NRXN3: variants seen among roughly 807,000 people sequenced by gnomAD.
The protein encoded by NRXN3 is neurexin III.
In NRXN3, 32 loss-of-function variants were observed where a neutral mutation model predicts 137.6. That is an observed-to-expected ratio of 0.23 (90% CI 0.18 to 0.31). The LOEUF (loss-of-function observed/expected upper bound fraction) is 0.31, where lower values mean the gene tolerates loss of function less well. Ranked by LOEUF, NRXN3 falls within the 10% of genes least tolerant of loss-of-function variation. NRXN3 has a pLI of 1.00. For missense variants in NRXN3, 1,574 were observed against 2,062.5 expected (o/e 0.76, Z 4.59); for synonymous variants, 798 against 784.5 (o/e 1.02, Z -0.29).
intron 2 of NRXN3, among the ~76,000 whole-genome samples, chr14:78,275,526 A>G (rs1279451108): frequency 6.6e-6 from 1 of 152,126 alleles, no homozygotes; most frequent in Non-Finnish European, 1.5e-5. Context: ...TATGCTCCCC[A>G]TATTTTTAGG....
At chr14:79,663,649 T>C in intron 16 of NRXN3, 129 bp from the exon 17 acceptor site, 1 of 725,474 alleles carries the variant, frequency 1.4e-6, no homozygotes, top group Non-Finnish European at 2.3e-6. Flanking sequence ...AATGCTATTA[T>C]TATCTTATCT....
At chr14:79,006,896 C>T (rs1310452467) in intron 15 of NRXN3, among the ~76,000 whole-genome samples, 1 of 152,146 alleles carries the variant, frequency 6.6e-6, no homozygotes, top group Non-Finnish European at 1.5e-5. Context: ...TGCCCCATCT[C>T]CAGACTTCTA....
chr14:79,059,731 A>G (rs2099671823), intron 15 of NRXN3, among the ~76,000 whole-genome samples: 1 of 152,102 alleles, frequency 6.6e-6, no homozygotes, highest in African/African-American at 2.4e-5. Flanking sequence ...CTTTTGTTTC[A>G]TTTTTGTAAA....
chr14:79,597,234 C>A lies in NRXN3; in HGVS notation c.3445-66544C>A, dbSNP rs144164486. Among the ~76,000 whole-genome samples the A allele has an allele frequency of 6.9e-3, 1,055 of 152,208 alleles. 9 individuals are homozygous for A. The highest frequency in any genetic ancestry group is 0.023 in the African/African-American group (968 of 41,532). ...TATTTGGGTACATTTTTTTTCCTAGCAGAAAAATTATTTTTCAGCCTTCTC... is the reference window on the plus strand; with the variant it reads ...TATTTGGGTACATTTTTTTTCCTAGAAGAAAAATTATTTTTCAGCCTTCTC... On this transcript the variant is annotated intron_variant, in intron 16 of 20. Transcript: ENST00000335750.
chr14:78,698,673 A>T (rs1249739011), intron 6 of NRXN3, among the ~76,000 whole-genome samples: 3 of 152,002 alleles, frequency 2.0e-5, no homozygotes, highest in Non-Finnish European at 4.4e-5. Context: ...GGAGTTTGTG[A>T]TTGAGCTTTT....
At chr14:79,676,615 A>T (rs551800946) in intron 17 of NRXN3, among the ~76,000 whole-genome samples, 1 of 152,162 alleles carries the variant, frequency 6.6e-6, no homozygotes, top group South Asian at 2.1e-4. Context: ...AAAGGGAGAG[A>T]AACAATCACT....
rs550823820 is a variant in NRXN3, at chr14:78,387,031, T to A, written c.757+89171T>A. Among the ~76,000 whole-genome samples the A allele has an allele frequency of 2.0e-5, 3 of 152,228 alleles. No individual in the cohort carries two copies. In the East Asian group the frequency reaches 5.8e-4, roughly 29 times the overall value. On this transcript the variant is annotated intron_variant, in intron 4 of 20. Coordinates refer to ENST00000335750, the MANE Select transcript of NRXN3 (RefSeq NM_001330195.2). ...TCCTGACTCAAATGATCCACCCTCCTCGGCCTCCCAAAATGCTGGGATTAC... is the reference window on the plus strand; with the variant it reads ...TCCTGACTCAAATGATCCACCCTCCACGGCCTCCCAAAATGCTGGGATTAC...
chr14:78,847,751 CAT>C (rs1243756761), intron 10 of NRXN3, among the ~76,000 whole-genome samples: 1 of 152,072 alleles, frequency 6.6e-6, no homozygotes, highest in Non-Finnish European at 1.5e-5. Context: ...CAAAAATAAT[CAT>C]ATTCTATAAA....
At chr14:79,558,174 C>T (rs988766838) in intron 16 of NRXN3, among the ~76,000 whole-genome samples, 1 of 152,088 alleles carries the variant, frequency 6.6e-6, no homozygotes, top group Admixed American at 6.6e-5. Context: ...AAGCCTTGAA[C>T]CCCTGAAACT....
At chr14:79,731,399 A>G (rs1490119900) in intron 19 of NRXN3, among the ~76,000 whole-genome samples, 1 of 152,212 alleles carries the variant, frequency 6.6e-6, no homozygotes, top group East Asian at 1.9e-4. Flanking sequence ...ATCATGCAAA[A>G]TGGTAAATAA....
chr14:78,242,211 G>A (rs1245413685), intron 1 of NRXN3, among the ~76,000 whole-genome samples, 180 bp from the exon 2 acceptor site: 2 of 152,176 alleles, frequency 1.3e-5, no homozygotes, highest in Non-Finnish European at 2.9e-5. Context: ...TGGTCGTCTT[G>A]TAGTGGCTCT....
chr14:79,173,204 T>TA (rs1226027995), intron 15 of NRXN3, among the ~76,000 whole-genome samples: 1 of 152,084 alleles, frequency 6.6e-6, no homozygotes, highest in African/African-American at 2.4e-5. Flanking sequence ...GCTATAATCT[T>TA]AAGAGAAAAA....
At chr14:79,084,800 C>T (rs759543340) in intron 15 of NRXN3, among the ~76,000 whole-genome samples, 3 of 152,128 alleles carry the variant, frequency 2.0e-5, no homozygotes, top group Non-Finnish European at 4.4e-5. Flanking sequence ...CCAGTTGCTT[C>T]AGTGAGTTGG....
chr14:79,353,344 G>T (rs2093299138), intron 15 of NRXN3, among the ~76,000 whole-genome samples: 1 of 151,822 alleles, frequency 6.6e-6, no homozygotes, highest in Admixed American at 6.6e-5. Context: ...TCTTTTTAAT[G>T]AACATATAAT....
At chr14:79,202,397 G>A (rs1202194856) in intron 15 of NRXN3, among the ~76,000 whole-genome samples, 2 of 151,920 alleles carry the variant, frequency 1.3e-5, no homozygotes, top group Non-Finnish European at 2.9e-5. Context: ...ATTTTTTTCT[G>A]TAAGTTATTG....
At chr14:79,273,172 C>CAAAAAAA (rs1163073631) in intron 15 of NRXN3, among the ~76,000 whole-genome samples, 1 of 20,750 alleles carries the variant, frequency 4.8e-5, no homozygotes, top group African/African-American at 2.8e-4. Context: ...ACTCTGTGGC[C>CAAAAAAA]AAAAAAAAAA....
intron 19 of NRXN3, among the ~76,000 whole-genome samples, chr14:79,796,437 C>T (rs958166243): frequency 1.3e-5 from 2 of 152,108 alleles, no homozygotes; most frequent in African/African-American, 4.8e-5. Flanking sequence ...AATCCCTTTT[C>T]CACCCACTCT....
intron 15 of NRXN3, among the ~76,000 whole-genome samples, chr14:79,171,608 C>G (rs1258038658): frequency 6.6e-6 from 1 of 152,072 alleles, no homozygotes. Flanking sequence ...GACAATTTGT[C>G]TTAAATGTAG....
At chr14:78,936,900 C>T (rs2099341739) in intron 10 of NRXN3, among the ~76,000 whole-genome samples, 4 of 152,062 alleles carry the variant, frequency 2.6e-5, no homozygotes, top group Admixed American at 2.6e-4. Context: ...GCTGGACTTA[C>T]TAATCTTCAA....
Sources: gnomAD v4.1 joint callset for allele counts (sites outside exome capture counted in the v4.1 genomes callset) on GRCh38, gnomAD v4.1.1 for gene constraint, MANE v1.5 for transcripts, NCBI Gene and HGNC (gene_info 2026-07-23, HGNC 2026-07-21) for gene names.